The following WNK2 variants were observed in gnomAD, a reference collection of about 807,000 sequenced individuals.
WNK2 encodes WNK lysine deficient protein kinase 2.
WNK2 carries 67 observed loss-of-function variants against 192.1 expected under a neutral mutation model. That is an observed-to-expected ratio of 0.35 (90% confidence interval 0.29 to 0.43). The LOEUF is 0.43. WNK2 is among the 20% of genes least tolerant of loss of function. The probability of loss-of-function intolerance (pLI) is 1.00; values close to 1 mark genes in which losing one functional copy is unlikely to be tolerated. For missense variants in WNK2, 2,698 were observed against 3,089.7 expected (o/e 0.87, Z 3.01); for synonymous variants, 1,439 against 1,393.9 (o/e 1.03, Z -0.72).
rs563184473 is a variant in WNK2 at position 93,292,617 on chromosome 9, C to T, written c.5152C>T (p.Pro1718Ser). 1 of 1,584,728 alleles carries T rather than the reference C, an allele frequency of 6.3e-7. No homozygotes were observed. Among genetic ancestry groups the T allele is most frequent in the South Asian group, 1.1e-5 (1 of 87,578 alleles). Reference protein sequence around the residue: ...MGTVGGQASHPQTLGARALGS... With the variant: ...MGTVGGQASHSQTLGARALGS... ...CACAGTGGGGGGCCAGGCTAGCCAC[C>T]CCCAGACACTCGGCGCTCGAGCTTT... The change falls in exon 23 of 30, where the codon CCC (proline) becomes TCC (serine). Residue 1718 changes from proline (P) to serine (S), a missense_variant. By Grantham distance (74) the Pro-to-Ser change is moderately conservative. Transcript: ENST00000427277.
intron 2 of WNK2, among the ~76,000 whole-genome samples, chr9:93,205,825 C>A (rs1376969558): frequency 2.0e-5 from 3 of 152,020 alleles, no homozygotes; most frequent in Non-Finnish European, 4.4e-5. Flanking sequence ...TGTCTTGCTG[C>A]TGGGGACACT....
Position 93,263,667 on chromosome 9 carries a change from A to C in WNK2, c.3512A>C (p.His1171Pro). 1 of 1,590,700 alleles carries C rather than the reference A, an allele frequency of 6.3e-7. No individual in the cohort carries two copies. Residue 1171 changes from histidine to proline, a missense_variant, in exon 15 of 30, where the codon CAC becomes CCC. This residue lies in a region of WNK2 where 893 missense variants were observed against 909.0 expected (regional missense o/e 0.98). Transcript: ENST00000427277. ...RLEGRAARKH[H>P]RRSTRARSRQ... ...GAGGGCAGGGCAGCCCGAAAACACC[A>C]CCGCAGGTCCACGCGTGCGCGCTCC...
At chr9:93,280,902 G>A (rs1309273337) in intron 19 of WNK2, among the ~76,000 whole-genome samples, 1 of 152,070 alleles carries the variant, frequency 6.6e-6, no homozygotes. Context: ...GCAGTAAAAA[G>A]GAATCAATTG....
At chr9:93,264,241 G>A (rs1844811304) in intron 16 of WNK2, among the ~76,000 whole-genome samples, 1 of 152,324 alleles carries the variant, frequency 6.6e-6, no homozygotes, top group East Asian at 1.9e-4. Flanking sequence ...ACAGCTTGAA[G>A]GATGTTCTAA....
intron 2 of WNK2, among the ~76,000 whole-genome samples, chr9:93,201,922 CCCA>C (rs1431109498): frequency 2.0e-5 from 3 of 152,228 alleles, no homozygotes; most frequent in Non-Finnish European, 4.4e-5. Context: ...TGCCCGCGCT[CCCA>C]CTCACTGCAG....
rs142375182 is a variant in WNK2 at position 93,297,939 on chromosome 9, C to G, written c.5795C>G (p.Pro1932Arg). 5.3e-4 allele frequency: 839 copies of G among 1,588,206 alleles called. No homozygotes were observed. Among genetic ancestry groups the G allele is most frequent in the African/African-American group, 7.9e-4 (59 of 74,376 alleles). ...LYRRLGKPLP[P>R]NVGFFHTAPP... ...CGCCGCCTGGGCAAGCCACTGCCCC[C>G]CAACGTGGGCTTCTTCCACACGGCA... is the stretch of plus-strand genomic sequence containing the variant. Residue 1932 changes from proline to arginine, a missense_variant, in exon 24 of 30, where the codon CCC becomes CGC. Physicochemically the swap from Pro to Arg is moderately radical, Grantham distance 103. Coordinates refer to ENST00000427277, the MANE Select transcript of WNK2 (RefSeq NM_006648.4).
intron 19 of WNK2, among the ~76,000 whole-genome samples, chr9:93,280,271 T>A (rs758824315): frequency 2.0e-5 from 3 of 152,032 alleles, no homozygotes; most frequent in Non-Finnish European, 2.9e-5. Context: ...GCCAAAGGGG[T>A]GTATGAAAAG....
At position 93,261,996 on chromosome 9, in the gene WNK2, G is replaced by A. The variant is rs768225084; in HGVS notation, c.3249G>A (p.Val1083=). ...LATVSASVQS[V]PTQTATLLPP... ...CGGTGTCTGCCTCTGTGCAGAGTGT[G>A]CCCACCCAGACTGCCACACTTCTGC... The change falls in exon 13 of 30, where the codon GTG becomes GTA. Residue 1083 remains valine (V), a synonymous_variant. Transcript: ENST00000427277. 17 of 1,611,730 alleles carry A rather than the reference G, an allele frequency of 1.1e-5. No homozygotes were observed. The East Asian group carries it at 3.8e-4, about 36-fold the overall frequency.
intron 7 of WNK2, among the ~76,000 whole-genome samples, chr9:93,245,172 C>T (rs1346203323): frequency 5.3e-5 from 8 of 152,236 alleles, no homozygotes; most frequent in Admixed American, 5.2e-4. Flanking sequence ...AAGGACACTA[C>T]AAAGAACCAT....
At position 93,229,465 on chromosome 9, in the gene WNK2, A is replaced by G. The variant is rs924518219; in HGVS notation, c.682-231A>G. ...ATTTGCGAGACCTCTTCGGCTTCCT[A>G]GGATGTCTTTTTGCTGAGGTCCCTT... On this transcript the variant is annotated intron_variant, in intron 2 of 29. Coordinates refer to ENST00000427277, the MANE Select transcript of WNK2 (RefSeq NM_006648.4). The surrounding 1 kb of genome is among the most constrained non-coding windows in gnomAD (Gnocchi z 4.9). 2.0e-5 allele frequency among the ~76,000 whole-genome samples: 3 copies of G among 151,986 alleles called. No individual in the cohort carries two copies. Among genetic ancestry groups the G allele is most frequent in the Non-Finnish European group, 4.4e-5 (3 of 67,912 alleles).
intron 16 of WNK2, 25 bp from the exon 17 acceptor site, chr9:93,267,721 T>A: frequency 6.5e-7 from 1 of 1,544,860 alleles, no homozygotes; most frequent in Non-Finnish European, 8.8e-7. Flanking sequence ...CAGCTGGTCC[T>A]CACTGGCAGT....
Position 93,292,506 on chromosome 9 carries a change from G to A in WNK2, c.5041G>A (p.Val1681Met), listed in dbSNP as rs1288387856. 1 of 1,596,064 alleles carries A rather than the reference G, an allele frequency of 6.3e-7. No individual in the cohort carries two copies. Among genetic ancestry groups the A allele is most frequent in the Admixed American group, 1.7e-5 (1 of 58,988 alleles). ...PSVPQDVPAF[V>M]RPARVEPTDR... is the part of the protein sequence containing the mutation. ...GTTTCCCAAGGATGTACCTGCTTTT[G>A]TGAGACCTGCACGTGTGGAGCCCAC... The change falls in exon 23 of 30, where the codon GTG becomes ATG. Residue 1681 changes from valine to methionine, a missense_variant. Coordinates refer to ENST00000427277, the MANE Select transcript of WNK2 (RefSeq NM_006648.4).
chr9:93,259,488 GC>G lies in WNK2; in HGVS notation c.2945del (p.Pro982ArgfsTer132). The G allele has an allele frequency of 3.3e-6, 5 of 1,504,436 alleles. No homozygotes were observed. Among genetic ancestry groups the G allele is most frequent in the South Asian group, 1.2e-5 (1 of 81,942 alleles). 93.2% of individuals were successfully genotyped at this position (1,504,436 alleles called of 1,614,324 possible). The stretch of plus-strand genomic sequence containing the variant: ...CCACACGGCCCCCTCAACCTGTGCT[GC>G]CCCCGCAACCCATGCTGCCCCCACA... Reference protein sequence around the residue: ...QPTRPPQPVLPPQPMLPPQPV... With the variant: ...QPTRPPQPVLXPQPMLPPQPV... On this transcript the variant is annotated frameshift_variant, in exon 12 of 30. Coordinates refer to ENST00000427277, the MANE Select transcript of WNK2 (RefSeq NM_006648.4). LOFTEE classifies it high-confidence loss of function. This position sits in a 1 kb window ranked among gnomAD's most constrained non-coding sequence, Gnocchi z 4.8.
chr9:93,253,415 G>A (rs951542058), intron 9 of WNK2, among the ~76,000 whole-genome samples: 3 of 151,708 alleles, frequency 2.0e-5, no homozygotes, highest in African/African-American at 7.3e-5. Flanking sequence ...GAGCTGAGTG[G>A]TTCCCCCTGG....
intron 7 of WNK2, among the ~76,000 whole-genome samples, chr9:93,240,588 G>A (rs895710034): frequency 4.6e-5 from 7 of 152,108 alleles, no homozygotes; most frequent in Admixed American, 2.6e-4. Context: ...GCGCTGAGCC[G>A]ACTGGAATGA....
chr9:93,292,307 G>A lies in WNK2; in HGVS notation c.4937-1G>A, dbSNP rs750929354. 17 of 1,613,738 alleles carry A rather than the reference G, an allele frequency of 1.1e-5. No individual in the cohort carries two copies. The highest frequency in any genetic ancestry group is 1.4e-5 in the Non-Finnish European group (16 of 1,179,876). On this transcript the variant is annotated splice_acceptor_variant, in intron 21 of 29. Transcript: ENST00000427277. LOFTEE classifies it high-confidence loss of function. Reference sequence around the variant, plus strand: ...CAGTAACGTTTCTGATGTTCCCATAGCAGAGTCGTCTCCCAGGAGTATGCT... The same window carrying A: ...CAGTAACGTTTCTGATGTTCCCATAACAGAGTCGTCTCCCAGGAGTATGCT...
chr9:93,235,052 A>G, intron 5 of WNK2, 87 bp downstream of exon 5: 2 of 1,513,706 alleles, frequency 1.3e-6, no homozygotes, highest in Non-Finnish European at 1.8e-6. Context: ...GGCTCTGTAA[A>G]GCCATCCTGG....
At chr9:93,310,725 G>A (rs900360749) in intron 28 of WNK2, among the ~76,000 whole-genome samples, 2 of 152,158 alleles carry the variant, frequency 1.3e-5, no homozygotes, top group South Asian at 4.1e-4. Context: ...GAATCATACA[G>A]TATGTGCCCT....
rs747161207 is a variant in WNK2, at chr9:93,262,730, C to G, written c.3410+11C>G. ...GCAGAGCTGTGAGAGGTAGTGTGGC[C>G]CAGCCTCGACCTCGCAGGACGGGTG... On this transcript the variant is annotated intron_variant, in intron 14 of 29. Coordinates refer to ENST00000427277, the MANE Select transcript of WNK2 (RefSeq NM_006648.4). 7 of 1,611,552 alleles carry G rather than the reference C, an allele frequency of 4.3e-6. No homozygotes were observed. In the East Asian group the frequency reaches 1.6e-4, roughly 36 times the overall value.
Sources: allele counts gnomAD v4.1 joint callset (sites outside exome capture counted in the v4.1 genomes callset), GRCh38; gene constraint gnomAD v4.1.1; regional missense constraint gnomAD v4.1.1; non-coding constraint Gnocchi (gnomAD v3.1); transcripts MANE v1.5; gene names NCBI Gene and HGNC (gene_info 2026-07-23, HGNC 2026-07-21).